The following IGSF21 variants were observed in gnomAD, a reference collection of about 807,000 sequenced individuals.
The protein encoded by IGSF21 is immunoglobulin superfamily member 21.
IGSF21 carries 28 observed loss-of-function variants against 46.8 expected under a neutral mutation model. The ratio of observed to expected loss-of-function variants is 0.60; its 90% CI spans 0.44 to 0.82. The LOEUF (loss-of-function observed/expected upper bound fraction) is 0.82. Ranked by LOEUF, IGSF21 falls within the 40% of genes least tolerant of loss-of-function variation. IGSF21 has a pLI of 0.00. For synonymous variants in IGSF21, 284 were observed against 273.6 expected, an observed-to-expected ratio of 1.04 and a Z score of -0.38; for missense variants, 624 against 665.5, an observed-to-expected ratio of 0.94 and a Z score of 0.69.
chr1:18,250,456 G>A (rs1475033021), intron 2 of IGSF21, among the ~76,000 whole-genome samples: 3 of 152,132 alleles, frequency 2.0e-5, no homozygotes, highest in Non-Finnish European at 4.4e-5. Context: ...ACTCAGCCGT[G>A]TGTTCACTGT....
intron 2 of IGSF21, among the ~76,000 whole-genome samples, chr1:18,282,419 G>A (rs1282437927): frequency 3.9e-5 from 6 of 151,996 alleles, no homozygotes; most frequent in Admixed American, 3.3e-4. Flanking sequence ...CTTCCTGTCT[G>A]CTAGCCCCTA....
At chr1:18,142,148 G>T (rs1241215726) in intron 1 of IGSF21, among the ~76,000 whole-genome samples, 4 of 152,154 alleles carry the variant, frequency 2.6e-5, no homozygotes, top group Non-Finnish European at 5.9e-5. Context: ...AACCAACAGG[G>T]TGAGGAGAGA....
At chr1:18,224,654 C>T (rs758227379) in intron 1 of IGSF21, among the ~76,000 whole-genome samples, 17 of 152,048 alleles carry the variant, frequency 1.1e-4, no homozygotes, top group Non-Finnish European at 2.2e-4. Context: ...ATTTGTTTTT[C>T]ATGCATAAAG....
In IGSF21 at chr1:18,293,291, A is replaced by C. The variant is rs192185615; in HGVS notation, c.305+1304A>C. 5.9e-4 allele frequency among the ~76,000 whole-genome samples: 90 copies of C among 152,356 alleles called. 1 individual carries two copies. Among genetic ancestry groups the C allele is most frequent in the African/African-American group, 2.1e-3 (89 of 41,590 alleles). On this transcript the variant is annotated intron_variant, in intron 3 of 9. Coordinates refer to ENST00000251296, the MANE Select transcript of IGSF21 (RefSeq NM_032880.5). ...CTCAGGCTACACTCCTCAGCCCTTC[A>C]GGCCTGTTTTCTATTGGGTGAAATT...
chr1:18,164,405 C>CCCT (rs1235693049), intron 1 of IGSF21, among the ~76,000 whole-genome samples: 1 of 152,010 alleles, frequency 6.6e-6, no homozygotes, highest in African/African-American at 2.4e-5. Flanking sequence ...GTCTTTCCCT[C>CCCT]CCTCCATCCA....
intron 2 of IGSF21, among the ~76,000 whole-genome samples, chr1:18,284,192 G>A (rs1403700203): frequency 2.6e-5 from 4 of 152,184 alleles, no homozygotes; most frequent in Non-Finnish European, 5.9e-5. Context: ...GGTTGACTTG[G>A]TCTAGTGCCA....
chr1:18,152,955 A>C (rs1176734564), intron 1 of IGSF21, among the ~76,000 whole-genome samples: 1 of 152,184 alleles, frequency 6.6e-6, no homozygotes, highest in Non-Finnish European at 1.5e-5. Flanking sequence ...TAGAAGAGAT[A>C]ATGCAGTTAA....
chr1:18,208,125 T>G, intron 1 of IGSF21, among the ~76,000 whole-genome samples: 1 of 151,698 alleles, frequency 6.6e-6, no homozygotes, highest in East Asian at 1.9e-4. Flanking sequence ...GGAAAAAGTT[T>G]GGGTTGGTGG....
chr1:18,155,578 C>T (rs1047955778), intron 1 of IGSF21, among the ~76,000 whole-genome samples: 1 of 152,250 alleles, frequency 6.6e-6, no homozygotes. Context: ...GAATGCACAG[C>T]ATGCAGGGCC....
At chr1:18,161,025 C>T (rs1353781582) in intron 1 of IGSF21, among the ~76,000 whole-genome samples, 2 of 152,120 alleles carry the variant, frequency 1.3e-5, no homozygotes, top group Non-Finnish European at 2.9e-5. Context: ...AGCTTTAGGC[C>T]TCTGTTCCTG....
At chr1:18,372,862 ATGGG>A (rs1467814134) in intron 6 of IGSF21, among the ~76,000 whole-genome samples, 18 of 84,664 alleles carry the variant, frequency 2.1e-4, no homozygotes, top group East Asian at 1.8e-3. Flanking sequence ...GGATGGATGG[ATGGG>A]TGGATGGATG....
chr1:18,168,672 C>T (rs2086703680), intron 1 of IGSF21, among the ~76,000 whole-genome samples: 1 of 152,232 alleles, frequency 6.6e-6, no homozygotes, highest in Admixed American at 6.5e-5. Flanking sequence ...AGAAAGGAAT[C>T]GCTCCCTATC....
intron 2 of IGSF21, among the ~76,000 whole-genome samples, chr1:18,274,593 T>A (rs142222305): frequency 6.6e-6 from 1 of 152,236 alleles, no homozygotes; most frequent in Admixed American, 6.5e-5. Context: ...AAGAGCAGAG[T>A]TGATTAATTG....
At chr1:18,268,741 A>G (rs542803942) in intron 2 of IGSF21, among the ~76,000 whole-genome samples, 1 of 152,274 alleles carries the variant, frequency 6.6e-6, no homozygotes, top group African/African-American at 2.4e-5. Flanking sequence ...GGGAGGAATC[A>G]TGCATGTAGT....
intron 3 of IGSF21, among the ~76,000 whole-genome samples, chr1:18,311,257 T>G (rs1257426608): frequency 6.6e-6 from 1 of 152,152 alleles, no homozygotes; most frequent in Non-Finnish European, 1.5e-5. Context: ...GTGTCCACCA[T>G]GCCTCTCCCC....
At chr1:18,134,351 A>G (rs1454356416) in intron 1 of IGSF21, among the ~76,000 whole-genome samples, 1 of 152,052 alleles carries the variant, frequency 6.6e-6, no homozygotes, top group Non-Finnish European at 1.5e-5. Flanking sequence ...GAGCTGCCAG[A>G]GATGTTCTGA....
At chr1:18,370,482 G>T (rs952923468) in intron 6 of IGSF21, among the ~76,000 whole-genome samples, 2 of 152,220 alleles carry the variant, frequency 1.3e-5, no homozygotes. Context: ...AAAAGTAGAA[G>T]TCAGCATCAT....
intron 2 of IGSF21, among the ~76,000 whole-genome samples, chr1:18,291,216 G>A (rs2085263095): frequency 6.6e-6 from 1 of 152,136 alleles, no homozygotes; most frequent in South Asian, 2.1e-4. Flanking sequence ...TGGCTTCATC[G>A]CCACCTCCCT....
intron 4 of IGSF21, among the ~76,000 whole-genome samples, chr1:18,338,218 A>G (rs2085792005): frequency 6.6e-6 from 1 of 152,188 alleles, no homozygotes; most frequent in East Asian, 1.9e-4. Flanking sequence ...AATGACAAAT[A>G]GTAGTCGGGT....
Sources: gnomAD v4.1 joint callset for allele counts (sites outside exome capture counted in the v4.1 genomes callset) on GRCh38, gnomAD v4.1.1 for gene constraint, MANE v1.5 for transcripts, NCBI Gene and HGNC (gene_info 2026-07-23, HGNC 2026-07-21) for gene names.